GRM3: variants seen among roughly 807,000 people sequenced by gnomAD.
GRM3 encodes the protein glutamate metabotropic receptor 3, also known as metabotropic glutamate receptor 3.
Under a neutral mutation model 70.5 loss-of-function variants are expected in GRM3, and 26 were observed. The observed-to-expected ratio is 0.37, with a 90% CI of 0.27 to 0.51. GRM3 has a LOEUF of 0.51. GRM3 is among the 20% of genes least tolerant of loss of function. GRM3 has a pLI of 0.93. For missense variants in GRM3, 859 were observed against 1,123.8 expected (o/e 0.76, Z 3.37); for synonymous variants, 443 against 434.9 (o/e 1.02, Z -0.23).
chr7:86,649,172 C>T lies in GRM3; in HGVS notation c.-141+4300C>T, dbSNP rs181874952. On this transcript the variant is annotated intron_variant, in intron 1 of 5. Coordinates refer to ENST00000361669, the MANE Select transcript of GRM3 (RefSeq NM_000840.3). ...AAACAAGTACTCTCCCTCCTGAGGT[C>T]CCAAAGTATTTTTATAGTGCTATTC... Among the ~76,000 whole-genome samples the T allele has an allele frequency of 5.2e-3, 799 of 152,246 alleles. 6 individuals carry two copies. Among genetic ancestry groups the T allele is most frequent in the Middle Eastern group, 0.024 (7 of 294 alleles).
At chr7:86,667,370 C>A (rs1356554914) in intron 1 of GRM3, among the ~76,000 whole-genome samples, 2 of 151,954 alleles carry the variant, frequency 1.3e-5, no homozygotes, top group African/African-American at 4.8e-5. Context: ...TAAGAAATAC[C>A]AGTGTATATC....
At chr7:86,805,345 T>C (rs1254754985) in intron 3 of GRM3, among the ~76,000 whole-genome samples, 1 of 152,148 alleles carries the variant, frequency 6.6e-6, no homozygotes, top group African/African-American at 2.4e-5. Context: ...AGTTCCCACA[T>C]ACTCCTCCCT....
chr7:86,726,160 A>G lies in GRM3; in HGVS notation c.-140-38846A>G, dbSNP rs944437059. ...AGAGGTCACTCTTTTTACTAATTGC[A>G]TTTCTGTCTAGCTCTTAGTCCAAGA... On this transcript the variant is annotated intron_variant, in intron 1 of 5. Transcript: ENST00000361669. Among the ~76,000 whole-genome samples the G allele has an allele frequency of 3.9e-5, 6 of 152,226 alleles. No individual in the cohort carries two copies. The South Asian group carries it at 1.2e-3, about 32-fold the overall frequency.
chr7:86,835,568 T>C (rs532902468), intron 3 of GRM3, among the ~76,000 whole-genome samples: 1 of 152,264 alleles, frequency 6.6e-6, no homozygotes, highest in Admixed American at 6.5e-5. Context: ...CATATATATA[T>C]ACATATATGA....
At chr7:86,675,642 A>G (rs755305685) in intron 1 of GRM3, among the ~76,000 whole-genome samples, 6 of 152,130 alleles carry the variant, frequency 3.9e-5, no homozygotes, top group South Asian at 2.1e-4. Context: ...CCATTATTCT[A>G]AAGAATTATA....
intron 5 of GRM3, among the ~76,000 whole-genome samples, chr7:86,863,316 G>A (rs1798994007): frequency 6.6e-6 from 1 of 152,108 alleles, no homozygotes; most frequent in African/African-American, 2.4e-5. Flanking sequence ...AAAAGAATGA[G>A]TATATATATC....
At chr7:86,703,283 C>T (rs1019428841) in intron 1 of GRM3, among the ~76,000 whole-genome samples, 20 of 151,986 alleles carry the variant, frequency 1.3e-4, no homozygotes, top group African/African-American at 4.6e-4. Context: ...ATATCCCACT[C>T]ACTAAGATCT....
At chr7:86,691,680 G>A (rs556596216) in intron 1 of GRM3, among the ~76,000 whole-genome samples, 1 of 152,266 alleles carries the variant, frequency 6.6e-6, no homozygotes, top group Non-Finnish European at 1.5e-5. Flanking sequence ...TACCATGGGA[G>A]TAGATTTGTT....
intron 5 of GRM3, among the ~76,000 whole-genome samples, chr7:86,860,395 AGCAT>A: frequency 6.6e-6 from 1 of 152,334 alleles, no homozygotes; most frequent in South Asian, 2.1e-4. Flanking sequence ...TATATTCAAC[AGCAT>A]GTGCAAAAAT....
At chr7:86,850,185 A>C (rs1290202482) in intron 4 of GRM3, among the ~76,000 whole-genome samples, 185 bp from the exon 5 acceptor site, 1 of 152,180 alleles carries the variant, frequency 6.6e-6, no homozygotes, top group Admixed American at 6.6e-5. Context: ...AATCCTAAGC[A>C]ATATTTCCAA....
chr7:86,705,299 G>A (rs1351694964), intron 1 of GRM3, among the ~76,000 whole-genome samples: 1 of 151,474 alleles, frequency 6.6e-6, no homozygotes, highest in Non-Finnish European at 1.5e-5. Flanking sequence ...TCTCATTAAA[G>A]TGAAACACAA....
chr7:86,780,254 G>A (rs1316014430), intron 2 of GRM3, among the ~76,000 whole-genome samples: 2 of 152,068 alleles, frequency 1.3e-5, no homozygotes, highest in Admixed American at 1.3e-4. Context: ...GGGATGGCTG[G>A]GTCAAATGGT....
intron 3 of GRM3, among the ~76,000 whole-genome samples, chr7:86,789,718 G>A (rs1797358707): frequency 6.6e-6 from 1 of 152,108 alleles, no homozygotes; most frequent in Non-Finnish European, 1.5e-5. Flanking sequence ...AGATTCTTCT[G>A]ACAAGGGACA....
chr7:86,746,902 T>C (rs1796117388), intron 1 of GRM3, among the ~76,000 whole-genome samples: 3 of 152,090 alleles, frequency 2.0e-5, no homozygotes, highest in Admixed American at 2.0e-4. Flanking sequence ...TCAACTCTGA[T>C]TTTGCAGATC....
chr7:86,762,176 C>G (rs1226265420), intron 1 of GRM3, among the ~76,000 whole-genome samples: 1 of 151,994 alleles, frequency 6.6e-6, no homozygotes, highest in Non-Finnish European at 1.5e-5. Flanking sequence ...TCAAAGAGAC[C>G]AGAAATTGAT....
chr7:86,820,333 A>T (rs1798094965), intron 3 of GRM3, among the ~76,000 whole-genome samples: 1 of 152,138 alleles, frequency 6.6e-6, no homozygotes, highest in South Asian at 2.1e-4. Context: ...TTTGACTTCC[A>T]TCAGGATCTT....
intron 1 of GRM3, among the ~76,000 whole-genome samples, chr7:86,734,880 G>T (rs956087643): frequency 2.6e-5 from 4 of 151,582 alleles, no homozygotes; most frequent in African/African-American, 7.3e-5. Context: ...TTTTATACAC[G>T]CACCCCAATT....
At position 86,692,502 on chromosome 7, in the gene GRM3, G is replaced by A. The variant is rs114865842; in HGVS notation, c.-141+47630G>A. Reference sequence around the variant, plus strand: ...ATTTAGCAATGGCTTATGCCTTCACGTCATTCAGTTATTTGCTCAAATCAC... The same window carrying A: ...ATTTAGCAATGGCTTATGCCTTCACATCATTCAGTTATTTGCTCAAATCAC... On this transcript the variant is annotated intron_variant, in intron 1 of 5. Transcript: ENST00000361669. Among the ~76,000 whole-genome samples, 560 of 152,228 alleles carry A rather than the reference G, an allele frequency of 3.7e-3. 5 individuals are homozygous for A. The highest frequency in any genetic ancestry group is 0.013 in the African/African-American group (529 of 41,538).
intron 3 of GRM3, among the ~76,000 whole-genome samples, chr7:86,814,009 G>A (rs1010146094): frequency 6.6e-6 from 1 of 151,712 alleles, no homozygotes; most frequent in East Asian, 1.9e-4. Flanking sequence ...CAATTTTCCA[G>A]ACTAGACAGC....
Sources: allele counts gnomAD v4.1 joint callset (sites outside exome capture counted in the v4.1 genomes callset), GRCh38; gene constraint gnomAD v4.1.1; transcripts MANE v1.5; gene names NCBI Gene and HGNC (gene_info 2026-07-23, HGNC 2026-07-21).